The following SAMD12 variants were observed in gnomAD, a reference collection of about 807,000 sequenced individuals.
SAMD12 encodes the protein sterile alpha motif domain containing 12, also known as sterile alpha motif domain-containing protein 12.
In SAMD12, 9 loss-of-function variants were observed where a neutral mutation model predicts 15.0. The observed-to-expected ratio is 0.60, with a 90% CI of 0.36 to 1.05. SAMD12 has a LOEUF of 1.05. SAMD12 is among the 50% of genes least tolerant of loss of function. The pLI, the probability that SAMD12 is intolerant of heterozygous loss-of-function variation, is 0.01. For missense variants in SAMD12, 230 were observed against 234.2 expected, an observed-to-expected ratio of 0.98 and a Z score of 0.12; for synonymous variants, 86 against 90.1, an observed-to-expected ratio of 0.96 and a Z score of 0.25.
At chr8:118,510,753 G>T (rs1353432813) in intron 2 of SAMD12, among the ~76,000 whole-genome samples, 2 of 152,186 alleles carry the variant, frequency 1.3e-5, no homozygotes, top group African/African-American at 4.8e-5. Flanking sequence ...CCCTCAAAAT[G>T]CTGGGGCAAA....
rs765866508 is a variant in SAMD12 at position 118,621,959 on chromosome 8, G to T, written c.-143C>A. The T allele has an allele frequency of 5.9e-6, 6 of 1,016,852 alleles. No homozygotes were observed. In the Admixed American group the frequency reaches 9.1e-5, roughly 15 times the overall value. 63.0% of individuals were successfully genotyped at this position (1,016,852 alleles called of 1,614,324 possible). A position where few individuals can be genotyped will look rare whatever the true frequency, so the allele number is the denominator to read the frequency against. ...CCAACCTGCCGCGGTCACGCAAAGC[G>T]AGGCAGCCGGCTCCCGGCTCGGCGC... On this transcript the variant is annotated 5_prime_UTR_variant, in exon 1 of 4. Transcript: ENST00000314727.
chr8:118,168,004 G>C, the SAMD12 span, among the ~76,000 whole-genome samples: 1 of 152,136 alleles, frequency 6.6e-6, no homozygotes, highest in African/African-American at 2.4e-5. Context: ...GTACCCAGTG[G>C]GAGGTAATTG....
chr8:118,408,037 C>T (rs2130805162), intron 3 of SAMD12, among the ~76,000 whole-genome samples: 1 of 152,238 alleles, frequency 6.6e-6, no homozygotes, highest in African/African-American at 2.4e-5. Context: ...GTTCTCACTC[C>T]AGCTAATCCT....
At chr8:118,134,329 G>T in the SAMD12 span, among the ~76,000 whole-genome samples, 1 of 152,200 alleles carries the variant, frequency 6.6e-6, no homozygotes, top group Non-Finnish European at 1.5e-5. Flanking sequence ...AAATACATGT[G>T]GGCTTTCCCA....
At chr8:118,357,050 T>G (rs958331688) in intron 4 of SAMD12, among the ~76,000 whole-genome samples, 10 of 152,144 alleles carry the variant, frequency 6.6e-5, no homozygotes, top group African/African-American at 2.2e-4. Flanking sequence ...CCAATCCATC[T>G]CCACACAGCT....
intron 2 of SAMD12, among the ~76,000 whole-genome samples, chr8:118,546,755 CCTCCACA>C (rs1164064319): frequency 6.6e-6 from 1 of 152,090 alleles, no homozygotes; most frequent in East Asian, 1.9e-4. Context: ...ATGATGTCAG[CCTCCACA>C]GATCTGCAAT....
intron 2 of SAMD12, among the ~76,000 whole-genome samples, chr8:118,492,189 T>C (rs1824460926): frequency 6.6e-6 from 1 of 151,880 alleles, no homozygotes; most frequent in Admixed American, 6.6e-5. Context: ...ATTGTGATTC[T>C]GATTTGCATT....
chr8:118,272,769 T>C (rs1405454438), intron 4 of SAMD12, among the ~76,000 whole-genome samples: 1 of 152,208 alleles, frequency 6.6e-6, no homozygotes, highest in Non-Finnish European at 1.5e-5. Flanking sequence ...AACAAGTTCC[T>C]CATCTCCATC....
downstream of SAMD12, among the ~76,000 whole-genome samples, chr8:118,374,173 CT>C (rs1001365983): frequency 3.3e-5 from 5 of 152,034 alleles, no homozygotes; most frequent in Non-Finnish European, 5.9e-5. Context: ...CTTGTAGCCA[CT>C]TTTTTACTTT....
At chr8:118,305,692 C>T (rs1815310922) in intron 4 of SAMD12, among the ~76,000 whole-genome samples, 1 of 152,076 alleles carries the variant, frequency 6.6e-6, no homozygotes, top group South Asian at 2.1e-4. Flanking sequence ...TAGAAAGGTC[C>T]CAGTGATTAC....
At chr8:118,320,916 T>C (rs1330834127) in intron 4 of SAMD12, among the ~76,000 whole-genome samples, 4 of 148,754 alleles carry the variant, frequency 2.7e-5, no homozygotes, top group African/African-American at 9.8e-5. Flanking sequence ...TATTTGGAAG[T>C]AGTGATGAGT....
intron 4 of SAMD12, among the ~76,000 whole-genome samples, chr8:118,222,081 A>T (rs769578032): frequency 7.2e-5 from 11 of 152,184 alleles, no homozygotes; most frequent in Non-Finnish European, 2.9e-5. Flanking sequence ...TTTTTGTTTG[A>T]CATCTAAAAA....
At chr8:118,192,651 C>T (rs530036161) in exon 5 of SAMD12, 1 of 152,192 alleles carries the variant, frequency 6.6e-6, no homozygotes, top group South Asian at 2.1e-4. Context: ...AAAAACCTCC[C>T]AAACCATTGG....
chr8:118,189,061 G>A (rs1586323666), downstream of SAMD12, among the ~76,000 whole-genome samples: 1 of 152,164 alleles, frequency 6.6e-6, no homozygotes, highest in Non-Finnish European at 1.5e-5. Context: ...GGGGTGAGAG[G>A]AAATCGGTGG....
intron 4 of SAMD12, among the ~76,000 whole-genome samples, chr8:118,264,647 G>A (rs570563735): frequency 2.4e-4 from 37 of 152,192 alleles, no homozygotes; most frequent in African/African-American, 7.7e-4. Context: ...CTCTGGGAAC[G>A]GGACCTGGCA....
At chr8:118,298,886 A>G (rs551064194) in intron 4 of SAMD12, among the ~76,000 whole-genome samples, 1 of 152,322 alleles carries the variant, frequency 6.6e-6, no homozygotes, top group African/African-American at 2.4e-5. Flanking sequence ...ATTTTGAAGC[A>G]TTTTGTTGGT....
Position 118,406,890 on chromosome 8 carries a change from T to TTGTGTGTGTGTGTGTGTG in SAMD12, c.323-27208_323-27191dup, listed in dbSNP as rs3052708. Among the ~76,000 whole-genome samples, 519 of 147,440 alleles carry TTGTGTGTGTGTGTGTGTG rather than the reference T, an allele frequency of 3.5e-3. 4 individuals carry two copies. The highest frequency in any genetic ancestry group is 0.014 in the Middle Eastern group (4 of 290). On this transcript the variant is annotated intron_variant, in intron 3 of 3. Coordinates refer to ENST00000314727, the MANE Select transcript of SAMD12 (RefSeq NM_207506.3). ...CATTTTAAAGCTTAACAATATTCCATTGTGTGTGTGTGTGTGTGTGTGTGT... is the reference window on the plus strand; with the variant it reads ...CATTTTAAAGCTTAACAATATTCCATTGTGTGTGTGTGTGTGTGTGTGTGTGTGTGTGTGTGTGTGTGT...
intron 1 of SAMD12, among the ~76,000 whole-genome samples, chr8:118,595,890 T>C (rs1056318311): frequency 1.3e-5 from 2 of 152,242 alleles, no homozygotes; most frequent in African/African-American, 4.8e-5. Flanking sequence ...CATTTTACAT[T>C]AGTGTTTGAT....
At chr8:118,205,119 G>C (rs1162913724) in intron 4 of SAMD12, among the ~76,000 whole-genome samples, 1 of 152,186 alleles carries the variant, frequency 6.6e-6, no homozygotes, top group Non-Finnish European at 1.5e-5. Context: ...CTGGGTAAGG[G>C]ATAATTCACT....
Sources: gnomAD v4.1 joint callset for allele counts (sites outside exome capture counted in the v4.1 genomes callset) on GRCh38, gnomAD v4.1.1 for gene constraint, MANE v1.5 for transcripts, NCBI Gene and HGNC (gene_info 2026-07-23, HGNC 2026-07-21) for gene names.